The following DCAF5 variants were observed in gnomAD, a reference collection of about 807,000 sequenced individuals.
The protein encoded by DCAF5 is DDB1- and CUL4-associated factor 5.
Under a neutral mutation model 80.7 loss-of-function variants are expected in DCAF5, and 9 were observed. That is an observed-to-expected ratio of 0.11 (90% confidence interval 0.07 to 0.19). The LOEUF is 0.19. DCAF5 is among the 10% of genes least tolerant of loss of function. The pLI is 1.00. For synonymous variants in DCAF5, 433 were observed against 461.9 expected (o/e 0.94, Z 0.80); for missense variants, 842 against 1,205.7 (o/e 0.70, Z 4.47).
At chr14:69,058,074 A>G (rs2038044555) in intron 8 of DCAF5, among the ~76,000 whole-genome samples, 1 of 152,232 alleles carries the variant, frequency 6.6e-6, no homozygotes, top group African/African-American at 2.4e-5. Flanking sequence ...AAACTTCTGA[A>G]CATTATAAGT....
At chr14:69,106,989 C>A (rs2040184135) in intron 5 of DCAF5, among the ~76,000 whole-genome samples, 1 of 152,072 alleles carries the variant, frequency 6.6e-6, no homozygotes, top group African/African-American at 2.4e-5. Context: ...CTGCAGTGAG[C>A]CGAGATTGCA....
chr14:69,103,835 TGAG>T (rs1351274774), intron 5 of DCAF5, among the ~76,000 whole-genome samples: 2 of 152,230 alleles, frequency 1.3e-5, no homozygotes, highest in African/African-American at 4.8e-5. Context: ...ATATCATTAA[TGAG>T]GATTACATAA....
chr14:69,058,900 A>G lies in DCAF5; in HGVS notation c.1075-3289T>C, dbSNP rs988242405. ...TCAAAAAAAAAAAAAAAAGGAAAGA[A>G]AAGAAGGAAAAGAAAGGAAGAAGTG... On this transcript the variant is annotated intron_variant, in intron 8 of 8. Transcript: ENST00000341516. 8.6e-5 allele frequency among the ~76,000 whole-genome samples: 13 copies of G among 151,982 alleles called. No homozygotes were observed. In the South Asian group the frequency reaches 1.9e-3, roughly 22 times the overall value.
intron 7 of DCAF5, among the ~76,000 whole-genome samples, chr14:69,062,730 G>A (rs931980690): frequency 6.6e-6 from 1 of 152,136 alleles, no homozygotes; most frequent in African/African-American, 2.4e-5. Flanking sequence ...TAGCCTTTAA[G>A]CATTGCCCAC....
chr14:69,145,534 C>T (rs2041510865), intron 1 of DCAF5, among the ~76,000 whole-genome samples: 1 of 151,888 alleles, frequency 6.6e-6, no homozygotes, highest in Non-Finnish European at 1.5e-5. Context: ...ATTTTAATTT[C>T]CCATACTATA....
intron 5 of DCAF5, among the ~76,000 whole-genome samples, chr14:69,096,793 C>T (rs752436328): frequency 3.9e-5 from 6 of 152,188 alleles, no homozygotes; most frequent in East Asian, 1.9e-4. Context: ...TATTCAAAAA[C>T]GCCCTCTACC....
intron 7 of DCAF5, among the ~76,000 whole-genome samples, chr14:69,072,729 A>C (rs1157259724): frequency 6.6e-6 from 1 of 152,180 alleles, no homozygotes; most frequent in Non-Finnish European, 1.5e-5. Context: ...AAGACATGCT[A>C]AAAATAATCT....
At chr14:69,136,045 A>G (rs1043234684) in intron 1 of DCAF5, among the ~76,000 whole-genome samples, 1 of 150,264 alleles carries the variant, frequency 6.7e-6, no homozygotes. Flanking sequence ...GTACAGTATT[A>G]AGGAAGAATA....
chr14:69,066,910 C>G (rs572085502), intron 7 of DCAF5, among the ~76,000 whole-genome samples: 1 of 152,186 alleles, frequency 6.6e-6, no homozygotes, highest in African/African-American at 2.4e-5. Context: ...AGAATGAGTA[C>G]GTTTTTGACT....
intron 5 of DCAF5, among the ~76,000 whole-genome samples, 171 bp downstream of exon 5, chr14:69,116,195 T>C (rs988166841): frequency 3.3e-5 from 5 of 152,242 alleles, no homozygotes; most frequent in South Asian, 2.1e-4. Flanking sequence ...GATTTGTCGC[T>C]GTCTATTCCT....
At chr14:69,068,530 C>T (rs1225959050) in intron 7 of DCAF5, among the ~76,000 whole-genome samples, 2 of 151,994 alleles carry the variant, frequency 1.3e-5, no homozygotes, top group African/African-American at 4.8e-5. Context: ...GAAACCCTGT[C>T]TCTACTAAAA....
At chr14:69,121,038 G>A (rs1400780442) in intron 2 of DCAF5, among the ~76,000 whole-genome samples, 1 of 152,202 alleles carries the variant, frequency 6.6e-6, no homozygotes, top group East Asian at 1.9e-4. Flanking sequence ...AATTAAGGTG[G>A]AAGAACACCA....
rs769070885 is a variant in DCAF5 at position 69,054,825 on chromosome 14, T to C, written c.1861A>G (p.Lys621Glu). ...GGGGAGGAGGAGAGGTCATCCACTT[T>C]GATCTGGGGGTAATCATAGTTGTCT... ...GEDNYDYPQI[K>E]VDDLSSSPTS... Residue 621 changes from lysine (K) to glutamate (E), a missense_variant, in exon 9 of 9, where the codon AAA becomes GAA. Around this residue, in one of 5 missense-constraint regions of DCAF5, gnomAD observed 607 missense variants for 656.6 expected, o/e 0.92. Coordinates refer to ENST00000341516, the MANE Select transcript of DCAF5 (RefSeq NM_003861.3). 1.2e-6 allele frequency: 2 copies of C among 1,614,248 alleles called. No homozygotes were observed. The highest frequency in any genetic ancestry group is 1.1e-5 in the South Asian group (1 of 91,084).
At chr14:69,133,417 G>A (rs1325908317) in intron 1 of DCAF5, among the ~76,000 whole-genome samples, 1 of 152,192 alleles carries the variant, frequency 6.6e-6, no homozygotes, top group Non-Finnish European at 1.5e-5. Flanking sequence ...TGTTGCCATA[G>A]AGAAATACAG....
chr14:69,054,269 T>C lies in DCAF5; in HGVS notation c.2417A>G (p.Asn806Ser). 1.2e-6 allele frequency: 2 copies of C among 1,614,236 alleles called. No homozygotes were observed. Among genetic ancestry groups the C allele is most frequent in the South Asian group, 1.1e-5 (1 of 91,086 alleles). Residue 806 changes from asparagine (N) to serine (S), a missense_variant, in exon 9 of 9, where the codon AAC becomes AGC. Around this residue, in one of 5 missense-constraint regions of DCAF5, gnomAD observed 607 missense variants for 656.6 expected, o/e 0.92. Coordinates refer to ENST00000341516, the MANE Select transcript of DCAF5 (RefSeq NM_003861.3). ...CCTGGGACAGTTGCCAGACCCGCTG[T>C]TGAGAGTGGAGCCAGATGCCTTGGG... ...PVPKASGSTL[N>S]SGSGNCPRTQ...
At chr14:69,081,176 T>C (rs543248935) in intron 6 of DCAF5, among the ~76,000 whole-genome samples, 2 of 152,348 alleles carry the variant, frequency 1.3e-5, no homozygotes, top group East Asian at 1.9e-4. Context: ...GAAGAAAGAA[T>C]ACTTCATTCT....
intron 7 of DCAF5, among the ~76,000 whole-genome samples, chr14:69,074,803 G>T (rs1219395318): frequency 6.6e-6 from 1 of 152,302 alleles, no homozygotes; most frequent in South Asian, 2.1e-4. Flanking sequence ...GGAGGCTGAG[G>T]AGGGGAGATC....
At chr14:69,144,348 G>A (rs541082267) in intron 1 of DCAF5, among the ~76,000 whole-genome samples, 2 of 152,146 alleles carry the variant, frequency 1.3e-5, no homozygotes, top group South Asian at 2.1e-4. Flanking sequence ...CGAGGTGGGC[G>A]GATCACAAGG....
chr14:69,091,547 G>T, intron 6 of DCAF5, 127 bp downstream of exon 6: 1 of 826,188 alleles, frequency 1.2e-6, no homozygotes, highest in Non-Finnish European at 1.9e-6. Context: ...AACATCTCCA[G>T]GCACTCACTG....
Sources: gnomAD v4.1 joint callset for allele counts (sites outside exome capture counted in the v4.1 genomes callset) on GRCh38, gnomAD v4.1.1 for gene constraint, gnomAD v4.1.1 regional missense constraint, MANE v1.5 for transcripts, NCBI Gene and HGNC (gene_info 2026-07-23, HGNC 2026-07-21) for gene names.